The following NCKAP5 variants were observed in gnomAD, a reference collection of about 807,000 sequenced individuals.
The protein encoded by NCKAP5 is nck-associated protein 5.
NCKAP5 carries 92 observed loss-of-function variants against 167.0 expected under a neutral mutation model. The ratio of observed to expected loss-of-function variants is 0.55; its 90% CI spans 0.47 to 0.66. The LOEUF is 0.66. Ranked by LOEUF, NCKAP5 falls within the 30% of genes least tolerant of loss-of-function variation. NCKAP5 has a pLI of 0.00. For synonymous variants in NCKAP5, 891 were observed against 877.4 expected, an observed-to-expected ratio of 1.02 and a Z score of -0.27; for missense variants, 2,378 against 2,315.0, an observed-to-expected ratio of 1.03 and a Z score of -0.56.
chr2:132,811,333 G>A lies in NCKAP5; in HGVS notation c.808-14604C>T, dbSNP rs561870004. ...TGTGGGCGGGGCCCTAGAGCTCCCAGGATTACATGCCCTTTGTCTTCTGCT... is the reference window on the plus strand; with the variant it reads ...TGTGGGCGGGGCCCTAGAGCTCCCAAGATTACATGCCCTTTGTCTTCTGCT... On this transcript the variant is annotated intron_variant, in intron 11 of 19. Transcript: ENST00000409261. 1.4e-3 allele frequency among the ~76,000 whole-genome samples: 214 copies of A among 152,264 alleles called. 1 individual carries two copies. Among genetic ancestry groups the A allele is most frequent in the African/African-American group, 4.9e-3 (203 of 41,548 alleles).
chr2:133,300,532 T>G (rs1357815149), intron 4 of NCKAP5, among the ~76,000 whole-genome samples: 14 of 131,352 alleles, frequency 1.1e-4, no homozygotes, highest in East Asian at 4.6e-4. Flanking sequence ...AAAAACCACA[T>G]GATTATCTCA....
intron 5 of NCKAP5, among the ~76,000 whole-genome samples, chr2:133,136,801 C>A (rs2082802450): frequency 6.6e-6 from 1 of 152,160 alleles, no homozygotes; most frequent in Admixed American, 6.5e-5. Context: ...AACTGAGAAG[C>A]AAGCTACCAA....
intron 6 of NCKAP5, among the ~76,000 whole-genome samples, chr2:133,058,018 CT>C (rs2079862615): frequency 6.6e-6 from 1 of 152,176 alleles, no homozygotes; most frequent in Non-Finnish European, 1.5e-5. Context: ...TAAATCTACT[CT>C]GCCTCTGGCT....
At chr2:133,468,160 T>G (rs1393412044) in intron 3 of NCKAP5, among the ~76,000 whole-genome samples, 1 of 138,462 alleles carries the variant, frequency 7.2e-6, no homozygotes, top group African/African-American at 2.8e-5. Context: ...TGCTGTAAAT[T>G]TCCCTCTACA....
chr2:133,199,087 A>T (rs2085561498), intron 5 of NCKAP5, among the ~76,000 whole-genome samples: 1 of 152,074 alleles, frequency 6.6e-6, no homozygotes, highest in Non-Finnish European at 1.5e-5. Flanking sequence ...CTAAACACAC[A>T]TCATAGATAA....
intron 8 of NCKAP5, among the ~76,000 whole-genome samples, chr2:132,886,457 T>G (rs910122264): frequency 1.3e-5 from 2 of 152,226 alleles, no homozygotes; most frequent in Admixed American, 1.3e-4. Context: ...AATAGCCTAA[T>G]CTACTCTACA....
intron 6 of NCKAP5, among the ~76,000 whole-genome samples, chr2:133,062,652 GC>G: frequency 6.6e-6 from 1 of 152,264 alleles, no homozygotes; most frequent in Non-Finnish European, 1.5e-5. Flanking sequence ...CTGGTAGATG[GC>G]CTGCTATAAG....
intron 8 of NCKAP5, among the ~76,000 whole-genome samples, chr2:132,887,011 T>A (rs1692278235): frequency 6.6e-6 from 1 of 152,234 alleles, no homozygotes; most frequent in Admixed American, 6.5e-5. Context: ...ATAAAGATAC[T>A]CAATTTGTAT....
rs571607403 is a variant in NCKAP5, at chr2:133,514,172, C to CTTGT, written c.69+3282_69+3285dup. On this transcript the variant is annotated intron_variant, in intron 3 of 19. Transcript: ENST00000409261. Reference sequence around the variant, plus strand: ...GCACACTCCTACTGGTGGAGGCAAACTTGTAGTCACTTGTCTTTCTCTCTG... The same window carrying CTTGT: ...GCACACTCCTACTGGTGGAGGCAAACTTGTTTGTAGTCACTTGTCTTTCTCTCTG... Among the ~76,000 whole-genome samples, 12 of 152,328 alleles carry CTTGT rather than the reference C, an allele frequency of 7.9e-5. 1 individual carries two copies. In the East Asian group the frequency reaches 2.1e-3, roughly 27 times the overall value.
intron 3 of NCKAP5, among the ~76,000 whole-genome samples, chr2:133,386,664 T>C (rs1686991643): frequency 6.6e-6 from 1 of 152,190 alleles, no homozygotes; most frequent in Admixed American, 6.5e-5. Context: ...AGTCTCCCAT[T>C]ATTATCGTGT....
intron 6 of NCKAP5, among the ~76,000 whole-genome samples, chr2:133,092,391 AAAG>A (rs2081213988): frequency 1.3e-5 from 2 of 152,202 alleles, no homozygotes; most frequent in Admixed American, 1.3e-4. Context: ...AGGAAGGAGC[AAAG>A]AAGAATTCTT....
chr2:133,609,430 G>C, the NCKAP5 span, among the ~76,000 whole-genome samples: 2 of 152,184 alleles, frequency 1.3e-5, no homozygotes, highest in Non-Finnish European at 2.9e-5. Flanking sequence ...CTGAGTGGAA[G>C]AAGAACAATT....
intron 6 of NCKAP5, among the ~76,000 whole-genome samples, chr2:133,097,623 G>A (rs78092630): frequency 0.028 from 4,326 of 152,224 alleles, 189 homozygotes; most frequent in African/African-American, 0.095. Flanking sequence ...TTTGGTGGAT[G>A]GCTCCAACAG....
At chr2:133,486,719 A>G (rs980564865) in intron 3 of NCKAP5, among the ~76,000 whole-genome samples, 3 of 152,146 alleles carry the variant, frequency 2.0e-5, no homozygotes, top group African/African-American at 4.8e-5. Flanking sequence ...TCTCTCAGCA[A>G]TTTTGCAGAA....
intron 5 of NCKAP5, among the ~76,000 whole-genome samples, chr2:133,145,610 T>A (rs1307307204): frequency 6.6e-6 from 1 of 152,086 alleles, no homozygotes; most frequent in Non-Finnish European, 1.5e-5. Context: ...AAGTTTATAA[T>A]CTAAAATTTG....
intron 5 of NCKAP5, among the ~76,000 whole-genome samples, chr2:133,210,844 AG>A (rs1447365851): frequency 1.3e-5 from 2 of 152,154 alleles, no homozygotes; most frequent in Non-Finnish European, 2.9e-5. Flanking sequence ...TGGAATGGGA[AG>A]GGAGATGATA....
At chr2:132,991,155 C>A (rs1184908488) in intron 7 of NCKAP5, among the ~76,000 whole-genome samples, 2 of 152,264 alleles carry the variant, frequency 1.3e-5, no homozygotes, top group East Asian at 3.9e-4. Context: ...CATCCTCAGG[C>A]AAGCACTTGC....
At chr2:133,608,042 C>A in the NCKAP5 span, among the ~76,000 whole-genome samples, 2 of 152,142 alleles carry the variant, frequency 1.3e-5, no homozygotes, top group Non-Finnish European at 2.9e-5. Context: ...TTTTTAAAAA[C>A]CTATGTATTC....
intron 8 of NCKAP5, among the ~76,000 whole-genome samples, chr2:132,913,119 T>C (rs539335902): frequency 3.9e-5 from 6 of 152,078 alleles, no homozygotes; most frequent in African/African-American, 1.2e-4. Flanking sequence ...CTTTCAGCTA[T>C]GATATGCCCT....
Sources: allele counts gnomAD v4.1 joint callset (sites outside exome capture counted in the v4.1 genomes callset), GRCh38; gene constraint gnomAD v4.1.1; transcripts MANE v1.5; gene names NCBI Gene and HGNC (gene_info 2026-07-23, HGNC 2026-07-21).